Variants in EPHA6 observed in about 807,000 individuals in gnomAD.
The protein encoded by EPHA6 is EPH receptor A6, also known as ephrin type-A receptor 6.
In EPHA6, 50 loss-of-function variants were observed where a neutral mutation model predicts 112.0. That is an observed-to-expected ratio of 0.45 (90% CI 0.36 to 0.56). EPHA6 has a LOEUF of 0.56. Among genes scored for constraint, EPHA6 ranks in the 20% least tolerant of loss-of-function variants. The pLI is 0.00. For missense variants in EPHA6, 1,280 were observed against 1,417.4 expected (o/e 0.90, Z 1.56); for synonymous variants, 529 against 490.7 (o/e 1.08, Z -1.03).
chr3:97,193,434 C>T (rs973442536), intron 3 of EPHA6, among the ~76,000 whole-genome samples: 2 of 151,850 alleles, frequency 1.3e-5, no homozygotes, highest in African/African-American at 4.8e-5. Flanking sequence ...ATTTCTTTTT[C>T]AGATTGTTTG....
chr3:97,312,545 A>G (rs984759775), intron 5 of EPHA6, among the ~76,000 whole-genome samples: 2 of 151,622 alleles, frequency 1.3e-5, no homozygotes, highest in Non-Finnish European at 3.0e-5. Context: ...CAAATATTTC[A>G]AAATCTAAAG....
intron 15 of EPHA6, among the ~76,000 whole-genome samples, chr3:97,729,050 T>TA (rs1349788153): frequency 9.2e-5 from 14 of 152,102 alleles, no homozygotes; most frequent in Admixed American, 7.9e-4. Context: ...TGTAGGATTT[T>TA]AAGAAAGTTT....
At chr3:96,913,489 T>G (rs566689041) in intron 2 of EPHA6, among the ~76,000 whole-genome samples, 11 of 152,284 alleles carry the variant, frequency 7.2e-5, no homozygotes, top group South Asian at 2.1e-4. Flanking sequence ...ACTTGAATTT[T>G]TTTTCATAGA....
chr3:96,980,179 C>T (rs2042704688), intron 2 of EPHA6, among the ~76,000 whole-genome samples: 1 of 152,038 alleles, frequency 6.6e-6, no homozygotes, highest in African/African-American at 2.4e-5. Context: ...GTTTTTATGG[C>T]TTTAGGTCAA....
intron 2 of EPHA6, among the ~76,000 whole-genome samples, chr3:96,976,812 G>A (rs1420300978): frequency 6.6e-6 from 1 of 152,120 alleles, no homozygotes; most frequent in Non-Finnish European, 1.5e-5. Flanking sequence ...CAAGACCCTA[G>A]ACTTTCTTGC....
intron 3 of EPHA6, among the ~76,000 whole-genome samples, chr3:97,057,397 C>G (rs1186340602): frequency 6.6e-6 from 1 of 152,172 alleles, no homozygotes; most frequent in African/African-American, 2.4e-5. Context: ...GCTGAGGATG[C>G]TATGATGGTT....
intron 2 of EPHA6, among the ~76,000 whole-genome samples, chr3:96,917,442 AT>A (rs977057513): frequency 6.7e-6 from 1 of 150,052 alleles, no homozygotes; most frequent in Non-Finnish European, 1.5e-5. Context: ...AAAAAAAAGA[AT>A]TTTTTTTCAT....
At chr3:97,285,403 A>AG (rs1576845137) in intron 5 of EPHA6, among the ~76,000 whole-genome samples, 1 of 152,042 alleles carries the variant, frequency 6.6e-6, no homozygotes, top group East Asian at 1.9e-4. Flanking sequence ...TCCTTTGCTC[A>AG]CTATCATTCT....
At chr3:97,240,105 A>T (rs2078799877) in intron 4 of EPHA6, among the ~76,000 whole-genome samples, 1 of 151,820 alleles carries the variant, frequency 6.6e-6, no homozygotes, top group Admixed American at 6.6e-5. Flanking sequence ...CAAATAGAAA[A>T]AATTTAATAA....
chr3:97,207,639 T>C (rs2077749242), intron 3 of EPHA6, among the ~76,000 whole-genome samples: 1 of 152,190 alleles, frequency 6.6e-6, no homozygotes, highest in South Asian at 2.1e-4. Context: ...TAAGAATTTT[T>C]CTGCTATGTT....
intron 16 of EPHA6, among the ~76,000 whole-genome samples, chr3:97,744,939 G>A (rs918810183): frequency 2.6e-5 from 4 of 151,876 alleles, no homozygotes; most frequent in South Asian, 4.1e-4. Context: ...GGAGAGTCAC[G>A]TTTTGAAATA....
rs564654323 is a variant in EPHA6 at position 97,433,010 on chromosome 3, T to G, written c.1732-15558T>G. Among the ~76,000 whole-genome samples the G allele has an allele frequency of 2.0e-5, 3 of 152,308 alleles. No homozygotes were observed. The South Asian group carries it at 6.2e-4, about 32-fold the overall frequency. ...CAATATAGAAGATCCTGTTAGAAAC[T>G]ATAAAAGAATTAGAAACCTCAGTTT... On this transcript the variant is annotated intron_variant, in intron 6 of 17. Coordinates refer to ENST00000389672, the MANE Select transcript of EPHA6 (RefSeq NM_001080448.3).
chr3:97,051,379 G>A (rs2045680443), intron 3 of EPHA6, among the ~76,000 whole-genome samples: 1 of 152,118 alleles, frequency 6.6e-6, no homozygotes, highest in Non-Finnish European at 1.5e-5. Flanking sequence ...TGGTGCTTAA[G>A]ACTTGACCCC....
intron 3 of EPHA6, among the ~76,000 whole-genome samples, chr3:97,193,974 T>C (rs566210112): frequency 1.3e-5 from 2 of 152,192 alleles, no homozygotes; most frequent in East Asian, 3.9e-4. Flanking sequence ...CATCCTTGCA[T>C]CCTGGGATAA....
intron 3 of EPHA6, chr3:97,009,993 T>C: frequency 1.1e-6 from 1 of 880,720 alleles, no homozygotes. Context: ...TTGTTTTTTT[T>C]TTTTTGATAG....
intron 3 of EPHA6, among the ~76,000 whole-genome samples, chr3:96,991,103 C>T (rs1257064054): frequency 6.6e-6 from 1 of 152,194 alleles, no homozygotes; most frequent in East Asian, 1.9e-4. Flanking sequence ...GATCCTCCTG[C>T]CTTAGCCTCC....
chr3:96,821,594 A>G (rs1021921751), intron 1 of EPHA6, among the ~76,000 whole-genome samples: 1 of 151,888 alleles, frequency 6.6e-6, no homozygotes, highest in Admixed American at 6.6e-5. Context: ...CTCCCAGAAT[A>G]TATGATCCAG....
chr3:97,018,148 TC>T (rs1197760506), intron 3 of EPHA6, among the ~76,000 whole-genome samples: 1 of 151,876 alleles, frequency 6.6e-6, no homozygotes, highest in East Asian at 2.0e-4. Context: ...TTAAATTACT[TC>T]AATCTACTTG....
intron 10 of EPHA6, among the ~76,000 whole-genome samples, chr3:97,514,460 C>T (rs765336445): frequency 5.3e-5 from 8 of 151,964 alleles, no homozygotes; most frequent in Non-Finnish European, 8.8e-5. Context: ...GTCTTTTTTG[C>T]TAAACATGGT....
Sources: allele counts gnomAD v4.1 joint callset (sites outside exome capture counted in the v4.1 genomes callset), GRCh38; gene constraint gnomAD v4.1.1; transcripts MANE v1.5; gene names NCBI Gene and HGNC (gene_info 2026-07-23, HGNC 2026-07-21).